Variants in NCMAP observed in about 807,000 individuals in gnomAD.
NCMAP encodes the protein noncompact myelin-associated protein.
A neutral mutation model predicts 7.8 loss-of-function variants in NCMAP; 8 were observed. The ratio of observed to expected loss-of-function variants is 1.02; its 90% confidence interval spans 0.60 to 1.84. The LOEUF (loss-of-function observed/expected upper bound fraction) is 1.84, where lower values mean the gene tolerates loss of function less well. Among genes scored for constraint, NCMAP ranks in the 40% most tolerant of loss-of-function variants. The probability of loss-of-function intolerance (pLI) is 0.00; values close to 1 mark genes in which losing one functional copy is unlikely to be tolerated. For synonymous variants in NCMAP, 41 were observed against 52.9 expected, an observed-to-expected ratio of 0.78 and a Z score of 0.98; for missense variants, 112 against 131.4, an observed-to-expected ratio of 0.85 and a Z score of 0.72.
intron 3 of NCMAP, among the ~76,000 whole-genome samples, chr1:24,602,502 G>A (rs1362378841): frequency 1.5e-5 from 2 of 130,944 alleles, no homozygotes; most frequent in South Asian, 2.2e-4. Context: ...CCCGGAAGGC[G>A]GAGCTTGCAG....
chr1:24,605,260 G>A (rs757604374), intron 3 of NCMAP, among the ~76,000 whole-genome samples: 2 of 152,016 alleles, frequency 1.3e-5, no homozygotes, highest in African/African-American at 2.4e-5. Context: ...AATAAACTTA[G>A]CAAGCATAAT....
intron 2 of NCMAP, among the ~76,000 whole-genome samples, chr1:24,600,087 C>A (rs1652425113): frequency 1.3e-5 from 2 of 151,968 alleles, no homozygotes; most frequent in Admixed American, 1.3e-4. Flanking sequence ...CCTCACCCCC[C>A]AGCCTCACAA....
At chr1:24,602,524 C>A (rs1230100468) in intron 3 of NCMAP, among the ~76,000 whole-genome samples, 2 of 125,026 alleles carry the variant, frequency 1.6e-5, no homozygotes, top group Admixed American at 7.9e-5. Context: ...GAGCGGAGAT[C>A]GCGCCACAGC....
chr1:24,601,102 G>C (rs1049958539), intron 3 of NCMAP, 78 bp downstream of exon 3: 92 of 1,130,184 alleles, frequency 8.1e-5, no homozygotes, highest in East Asian at 2.3e-5. Context: ...TGATATATGG[G>C]TGTCCGTCGT....
intron 1 of NCMAP, among the ~76,000 whole-genome samples, chr1:24,579,197 G>GT (rs368124293): frequency 3.4e-4 from 37 of 109,072 alleles, no homozygotes; most frequent in Non-Finnish European, 3.3e-4. Context: ...TAGGGTGGGG[G>GT]TTTTTTTTTT....
At chr1:24,584,940 G>A (rs903381174) in intron 1 of NCMAP, among the ~76,000 whole-genome samples, 8 of 143,948 alleles carry the variant, frequency 5.6e-5, no homozygotes, top group Non-Finnish European at 1.2e-4. Context: ...CAGAAGAACG[G>A]GTGGAAGGAC....
At chr1:24,557,176 C>A (rs564414614) in intron 1 of NCMAP, among the ~76,000 whole-genome samples, 2 of 152,208 alleles carry the variant, frequency 1.3e-5, no homozygotes, top group South Asian at 4.2e-4. Context: ...GCACGGTGCC[C>A]AGCATGCAGT....
intron 2 of NCMAP, among the ~76,000 whole-genome samples, chr1:24,596,886 G>A (rs1047013983): frequency 1.3e-5 from 2 of 152,138 alleles, no homozygotes; most frequent in African/African-American, 2.4e-5. Flanking sequence ...ATGGTATAAG[G>A]AGACGCTTGG....
chr1:24,556,463 C>T (rs1030812950), intron 1 of NCMAP, among the ~76,000 whole-genome samples: 1 of 152,130 alleles, frequency 6.6e-6, no homozygotes, highest in Non-Finnish European at 1.5e-5. Context: ...GCGGAGGGGC[C>T]GAGGCTCGCT....
At chr1:24,556,727 C>T (rs1467850714) in intron 1 of NCMAP, among the ~76,000 whole-genome samples, 3 of 152,122 alleles carry the variant, frequency 2.0e-5, no homozygotes, top group Non-Finnish European at 2.9e-5. Flanking sequence ...AGGAAGGATG[C>T]AGAGACGGCT....
intron 1 of NCMAP, among the ~76,000 whole-genome samples, chr1:24,587,558 G>C (rs570789875): frequency 6.6e-6 from 1 of 152,182 alleles, no homozygotes; most frequent in South Asian, 2.1e-4. Flanking sequence ...CTGTCACCCA[G>C]GCTGGAGCGT....
At chr1:24,579,940 G>T (rs1651696095) in intron 1 of NCMAP, among the ~76,000 whole-genome samples, 1 of 152,216 alleles carries the variant, frequency 6.6e-6, no homozygotes, top group Non-Finnish European at 1.5e-5. Context: ...TTCAGCCAGA[G>T]ATTAGCCTTT....
intron 1 of NCMAP, among the ~76,000 whole-genome samples, chr1:24,572,742 C>T (rs1651426543): frequency 6.6e-6 from 1 of 150,854 alleles, no homozygotes; most frequent in African/African-American, 2.5e-5. Flanking sequence ...TCCTGGACCC[C>T]CAGCTCACAC....
rs555342098 is a variant in NCMAP, at chr1:24,578,560, C to CTTTTTTT, written c.-7-16850_-7-16844dup. Among the ~76,000 whole-genome samples the CTTTTTTT allele has an allele frequency of 3.0e-4, 32 of 107,370 alleles. 1 individual carries two copies. Among genetic ancestry groups the CTTTTTTT allele is most frequent in the African/African-American group, 1.3e-3 (31 of 23,012 alleles). 70.4% of individuals were successfully genotyped at this position (107,370 alleles called of 152,430 possible). A position where few individuals can be genotyped will look rare whatever the true frequency, so the allele number is the denominator to read the frequency against. On this transcript the variant is annotated intron_variant, in intron 1 of 3. Coordinates refer to ENST00000374392, the MANE Select transcript of NCMAP (RefSeq NM_001010980.5). ...AGCTTAGTTTTCTTTTTCTTTCTTT[C>CTTTTTTT]TTTTTTTTTTTTTTTTTTTTGAGAC...
rs1245402039 is a variant in NCMAP, at chr1:24,607,799, G to A, written c.*2052G>A. 6.6e-6 allele frequency: 1 copy of A among 152,372 alleles called. No homozygotes were observed. The highest frequency in any genetic ancestry group is 1.5e-5 in the Non-Finnish European group (1 of 68,156). The allele number at this position is 152,372 out of a possible 1,614,324, so 9.4% of individuals were successfully genotyped here. A position where few individuals can be genotyped will look rare whatever the true frequency, so the allele number is the denominator to read the frequency against. On this transcript the variant is annotated 3_prime_UTR_variant, in exon 4 of 4. Transcript: ENST00000374392. ...GAATCACTTGAACCTGGAAGGCAGA[G>A]GTTGCAGTGAGCCAAGATCGTGCCA...
intron 1 of NCMAP, among the ~76,000 whole-genome samples, chr1:24,586,203 C>T (rs1557599093): frequency 6.6e-6 from 1 of 152,118 alleles, no homozygotes; most frequent in Non-Finnish European, 1.5e-5. Context: ...TCTAGGCAAC[C>T]CCAAAGCCCT....
At chr1:24,592,004 G>A (rs540229423) in intron 1 of NCMAP, among the ~76,000 whole-genome samples, 43 of 152,348 alleles carry the variant, frequency 2.8e-4, no homozygotes, top group African/African-American at 9.9e-4. Flanking sequence ...TCAGAGCTGG[G>A]AGAGCAGGAA....
intron 1 of NCMAP, among the ~76,000 whole-genome samples, chr1:24,593,390 G>A (rs1652109631): frequency 6.6e-6 from 1 of 152,070 alleles, no homozygotes; most frequent in Non-Finnish European, 1.5e-5. Flanking sequence ...CTATTCAGGA[G>A]GCTGAAGTGG....
intron 3 of NCMAP, 104 bp downstream of exon 3, chr1:24,601,128 C>T: frequency 1.1e-6 from 1 of 909,584 alleles, no homozygotes; most frequent in East Asian, 2.4e-5. Context: ...TGGCAGTATC[C>T]CTCAGCCTTT....
Sources: allele counts gnomAD v4.1 joint callset (sites outside exome capture counted in the v4.1 genomes callset), GRCh38; gene constraint gnomAD v4.1.1; transcripts MANE v1.5; gene names NCBI Gene and HGNC (gene_info 2026-07-23, HGNC 2026-07-21).